The following PTH2R variants were observed in gnomAD, a reference collection of about 807,000 sequenced individuals.
PTH2R encodes the protein parathyroid hormone 2 receptor.
PTH2R carries 59 observed loss-of-function variants against 60.3 expected under a neutral mutation model. The ratio of observed to expected loss-of-function variants is 0.98; its 90% CI spans 0.79 to 1.22. The LOEUF is 1.22. Ranked by LOEUF, PTH2R falls within the 50% of genes most tolerant of loss-of-function variation. The probability of loss-of-function intolerance (pLI) is 0.00; values close to 1 mark genes in which losing one functional copy is unlikely to be tolerated. For missense variants in PTH2R, 749 were observed against 682.6 expected, an observed-to-expected ratio of 1.10 and a Z score of -1.08; for synonymous variants, 256 against 243.8, an observed-to-expected ratio of 1.05 and a Z score of -0.47.
intron 2 of PTH2R, 24 bp from the exon 3 acceptor site, chr2:208,437,513 G>A (rs1702097286): frequency 1.9e-6 from 3 of 1,554,018 alleles, no homozygotes; most frequent in African/African-American, 2.8e-5. Context: ...TTGTTTATTT[G>A]CTTTAATTTT....
At chr2:208,423,042 C>T (rs138211924) in intron 1 of PTH2R, among the ~76,000 whole-genome samples, 19 of 152,094 alleles carry the variant, frequency 1.2e-4, no homozygotes, top group Admixed American at 3.3e-4. Flanking sequence ...ATCACCAGCT[C>T]TTTGTTTCAC....
At chr2:208,429,620 T>G (rs2105856403) in intron 2 of PTH2R, among the ~76,000 whole-genome samples, 1 of 152,280 alleles carries the variant, frequency 6.6e-6, no homozygotes, top group African/African-American at 2.4e-5. Flanking sequence ...ATGTTTTAAT[T>G]GTGATAAAAT....
At chr2:208,400,847 A>G (rs1412128279) in intron 1 of PTH2R, among the ~76,000 whole-genome samples, 5 of 152,196 alleles carry the variant, frequency 3.3e-5, no homozygotes, top group African/African-American at 1.2e-4. Flanking sequence ...TGTCTCAGTA[A>G]GTATTTAACC....
chr2:208,418,675 A>C (rs185302416), intron 1 of PTH2R, among the ~76,000 whole-genome samples: 155 of 152,246 alleles, frequency 1.0e-3, no homozygotes, highest in African/African-American at 3.6e-3. Context: ...AAGATAAAAA[A>C]TTTCATAGTT....
chr2:208,449,454 A>ATAGATAG (rs371109380), intron 7 of PTH2R, among the ~76,000 whole-genome samples: 53,982 of 150,166 alleles, frequency 0.36, 10,104 homozygotes, highest in East Asian at 0.53. Context: ...TAGATAGATA[A>ATAGATAG]ATAGATAGAT....
chr2:208,445,644 C>T (rs145882122), intron 7 of PTH2R, among the ~76,000 whole-genome samples: 24 of 152,200 alleles, frequency 1.6e-4, no homozygotes, highest in African/African-American at 5.8e-4. Context: ...AGGTGCTCAG[C>T]ATAGGAAAAA....
At chr2:208,389,815 G>A (rs2125881808) in intron 1 of PTH2R, among the ~76,000 whole-genome samples, 1 of 152,066 alleles carries the variant, frequency 6.6e-6, no homozygotes, top group Non-Finnish European at 1.5e-5. Flanking sequence ...GCGGGGGTGG[G>A]GGGGTTGTTT....
chr2:208,390,375 G>A (rs1351064150), intron 1 of PTH2R, among the ~76,000 whole-genome samples: 1 of 152,162 alleles, frequency 6.6e-6, no homozygotes, highest in Non-Finnish European at 1.5e-5. Context: ...TGCCTGATAT[G>A]TCTTGAAAGG....
chr2:208,386,180 A>AT (rs1169222895), intron 1 of PTH2R, among the ~76,000 whole-genome samples: 1 of 152,182 alleles, frequency 6.6e-6, no homozygotes, highest in Non-Finnish European at 1.5e-5. Flanking sequence ...GCTCATCATC[A>AT]TACTCATGTT....
intron 2 of PTH2R, among the ~76,000 whole-genome samples, chr2:208,433,536 A>G (rs919454936): frequency 3.9e-5 from 6 of 152,126 alleles, no homozygotes; most frequent in African/African-American, 7.3e-5. Context: ...TAGATTAACT[A>G]TTGCAAAATA....
chr2:208,431,360 A>C (rs1239803722), intron 2 of PTH2R, among the ~76,000 whole-genome samples: 1 of 152,158 alleles, frequency 6.6e-6, no homozygotes, highest in Non-Finnish European at 1.5e-5. Flanking sequence ...TGTAATATCT[A>C]TAGACTGCTG....
At chr2:208,363,234 G>A (rs1443395752) in intron 1 of PTH2R, among the ~76,000 whole-genome samples, 3 of 152,036 alleles carry the variant, frequency 2.0e-5, no homozygotes, top group African/African-American at 2.4e-5. Context: ...TAGCATCTGT[G>A]TGTAGTCAAT....
At chr2:208,383,328 G>A (rs890930690) in intron 1 of PTH2R, among the ~76,000 whole-genome samples, 2 of 152,144 alleles carry the variant, frequency 1.3e-5, no homozygotes, top group Non-Finnish European at 2.9e-5. Flanking sequence ...AGTGTATCTC[G>A]TGTCTCTGCT....
chr2:208,361,705 A>G (rs947953373), intron 1 of PTH2R, among the ~76,000 whole-genome samples: 1 of 151,824 alleles, frequency 6.6e-6, no homozygotes, highest in African/African-American at 2.4e-5. Flanking sequence ...GCTTGGTTAC[A>G]TCACTTAGCA....
chr2:208,415,610 A>T (rs540848137), intron 1 of PTH2R, among the ~76,000 whole-genome samples: 2 of 152,338 alleles, frequency 1.3e-5, no homozygotes, highest in Non-Finnish European at 2.9e-5. Flanking sequence ...TTTGCTATCA[A>T]ATAAAATGGA....
intron 1 of PTH2R, among the ~76,000 whole-genome samples, chr2:208,390,112 C>T (rs1158982614): frequency 2.0e-5 from 3 of 152,122 alleles, no homozygotes; most frequent in Non-Finnish European, 4.4e-5. Context: ...CTTGTTGCAC[C>T]CTTCTCCTCA....
At chr2:208,416,537 G>A (rs1265207535) in intron 1 of PTH2R, among the ~76,000 whole-genome samples, 3 of 152,322 alleles carry the variant, frequency 2.0e-5, no homozygotes, top group Non-Finnish European at 2.9e-5. Context: ...GGGTTAAAAT[G>A]TTGAAATTAG....
chr2:208,469,068 A>G (rs940746981), intron 9 of PTH2R, among the ~76,000 whole-genome samples: 1 of 152,222 alleles, frequency 6.6e-6, no homozygotes, highest in Non-Finnish European at 1.5e-5. Context: ...ACGCAGATAT[A>G]GGTCACACGA....
chr2:208,447,913 T>C (rs4627502), intron 7 of PTH2R, among the ~76,000 whole-genome samples: 25,952 of 152,102 alleles, frequency 0.17, 2,853 homozygotes, highest in East Asian at 0.47. Context: ...TTTCCTCTAT[T>C]TTAATTCTGT....
Sources: gnomAD v4.1 joint callset for allele counts (sites outside exome capture counted in the v4.1 genomes callset) on GRCh38, gnomAD v4.1.1 for gene constraint, MANE v1.5 for transcripts, NCBI Gene and HGNC (gene_info 2026-07-23, HGNC 2026-07-21) for gene names.